ASPSCR1: variants seen among roughly 807,000 people sequenced by gnomAD.
The protein encoded by ASPSCR1 is ASPSCR1 tether for SLC2A4, UBX domain containing.
ASPSCR1 carries 55 observed loss-of-function variants against 68.9 expected under a neutral mutation model. The ratio of observed to expected loss-of-function variants is 0.80; its 90% CI spans 0.64 to 1.00. The LOEUF (loss-of-function observed/expected upper bound fraction) is 1.00. Ranked by LOEUF, ASPSCR1 falls within the 50% of genes least tolerant of loss-of-function variation. ASPSCR1 has a pLI of 0.00. For synonymous variants in ASPSCR1, 352 were observed against 332.6 expected (o/e 1.06, Z -0.63); for missense variants, 765 against 762.2 (o/e 1.00, Z -0.04).
rs746317148 is a variant in ASPSCR1 at position 81,999,280 on chromosome 17, G to A, written c.933+2434G>A. ...CAGAGCTTCTTGAGCTCCTGCTGAC[G>A]TAGTGGGCCTGGAAGGCCCCCATGC... On this transcript the variant is annotated intron_variant, in intron 7 of 15. Coordinates refer to ENST00000306739, the MANE Select transcript of ASPSCR1 (RefSeq NM_024083.4). The surrounding 1 kb of genome is among the most constrained non-coding windows in gnomAD (Gnocchi z 4.4). Among the ~76,000 whole-genome samples the A allele has an allele frequency of 1.4e-4, 21 of 152,196 alleles. No homozygotes were observed. Among genetic ancestry groups the A allele is most frequent in the African/African-American group, 3.9e-4 (16 of 41,440 alleles).
In ASPSCR1 at chr17:81,986,927, G is replaced by A. The variant is rs1466100923; in HGVS notation, c.374+1320G>A. 6.6e-6 allele frequency among the ~76,000 whole-genome samples: 1 copy of A among 152,234 alleles called. No homozygotes were observed. The highest frequency in any genetic ancestry group is 2.4e-5 in the African/African-American group (1 of 41,462). On this transcript the variant is annotated intron_variant, in intron 4 of 15. Coordinates refer to ENST00000306739, the MANE Select transcript of ASPSCR1 (RefSeq NM_024083.4). The surrounding 1 kb of genome is among the most constrained non-coding windows in gnomAD (Gnocchi z 5.2). ...TGGAAGCCACCCCAGTGGCTGTCGG[G>A]GTGAATGGAGGCCCCTGGAGATGGC... is the stretch of plus-strand genomic sequence containing the variant.
Position 81,983,488 on chromosome 17 carries a change from G to A in ASPSCR1, c.159-66G>A, listed in dbSNP as rs1019806090. ...GCGTGGATGGTGGGACGGGGATGGCGGGGCGTGGATGGCAGGGCGTGTCAG... is the reference window on the plus strand; with the variant it reads ...GCGTGGATGGTGGGACGGGGATGGCAGGGCGTGGATGGCAGGGCGTGTCAG... On this transcript the variant is annotated intron_variant, in intron 2 of 15. Coordinates refer to ENST00000306739, the MANE Select transcript of ASPSCR1 (RefSeq NM_024083.4). This position sits in a 1 kb window ranked among gnomAD's most constrained non-coding sequence, Gnocchi z 4.4. The A allele has an allele frequency of 2.3e-5, 31 of 1,322,636 alleles. No individual in the cohort carries two copies. Among genetic ancestry groups the A allele is most frequent in the East Asian group, 7.3e-5 (3 of 41,082 alleles). The allele number at this position is 1,322,636 out of a possible 1,614,324, so 81.9% of individuals were successfully genotyped here. A position where few individuals can be genotyped will look rare whatever the true frequency, so the allele number is the denominator to read the frequency against.
chr17:82,015,632 C>T, intron 12 of ASPSCR1: 1 of 520,878 alleles, frequency 1.9e-6, no homozygotes, highest in Non-Finnish European at 3.5e-6. Context: ...CCTGTGCCCA[C>T]AGCAGCCTCT....
chr17:81,978,918 G>T, intron 1 of ASPSCR1: 1 of 550,238 alleles, frequency 1.8e-6, no homozygotes, highest in Admixed American at 3.2e-5. Context: ...GAAGATGCCC[G>T]TGTTGCTGTA....
At chr17:82,015,044 G>C (rs1319650118) in intron 12 of ASPSCR1, 7 of 1,575,646 alleles carry the variant, frequency 4.4e-6, no homozygotes, top group Non-Finnish European at 6.0e-6. Flanking sequence ...CTCTGGCTGG[G>C]GGGACGGTGT....
At chr17:81,995,630 G>A (rs543034230) in intron 5 of ASPSCR1, 16 of 446,196 alleles carry the variant, frequency 3.6e-5, no homozygotes, top group Admixed American at 7.7e-5. Flanking sequence ...GGCCACCCCC[G>A]TGGGTGACAG....
intron 7 of ASPSCR1, among the ~76,000 whole-genome samples, chr17:81,997,983 C>A (rs1004437827): frequency 1.3e-5 from 2 of 151,828 alleles, no homozygotes; most frequent in South Asian, 2.1e-4. Context: ...TGTGCCACCA[C>A]GCCCAGCTAA....
At chr17:81,994,948 T>C (rs1447746859) in intron 5 of ASPSCR1, 70 bp downstream of exon 5, 3 of 1,487,548 alleles carry the variant, frequency 2.0e-6, no homozygotes, top group Non-Finnish European at 2.7e-6. Context: ...GAAAATCTGC[T>C]GTCCCGCAGC....
intron 12 of ASPSCR1, 170 bp from the exon 13 acceptor site, chr17:82,016,306 G>A (rs1157251624): frequency 1.6e-6 from 1 of 632,856 alleles, no homozygotes; most frequent in South Asian, 2.0e-5. Flanking sequence ...CTTGCTTACA[G>A]GGGTAGGGCT....
At chr17:81,994,627 G>A (rs558872121) in intron 4 of ASPSCR1, among the ~76,000 whole-genome samples, 194 bp from the exon 5 acceptor site, 1 of 152,228 alleles carries the variant, frequency 6.6e-6, no homozygotes, top group East Asian at 1.9e-4. Flanking sequence ...CGGCTGTCAG[G>A]TGCCTCCTTT....
rs960082379 is a variant in ASPSCR1 at position 81,983,747 on chromosome 17, G to A, written c.273+79G>A. 5 of 1,202,386 alleles carry A rather than the reference G, an allele frequency of 4.2e-6. No individual in the cohort carries two copies. The highest frequency in any genetic ancestry group is 2.5e-5 in the East Asian group (1 of 39,534). The allele number at this position is 1,202,386 out of a possible 1,614,324, so 74.5% of individuals were successfully genotyped here. On this transcript the variant is annotated intron_variant, in intron 3 of 15. Transcript: ENST00000306739. This position sits in a 1 kb window ranked among gnomAD's most constrained non-coding sequence, Gnocchi z 4.4. Reference sequence around the variant, plus strand: ...GGCCAGGGACGGGGGACGGGACAGTGGGGGGTGCTGGGGAAGGAGGGACAT... The same window carrying A: ...GGCCAGGGACGGGGGACGGGACAGTAGGGGGTGCTGGGGAAGGAGGGACAT...
chr17:82,009,396 A>G, intron 8 of ASPSCR1, 90 bp from the exon 9 acceptor site: 1 of 1,411,820 alleles, frequency 7.1e-7, no homozygotes, highest in South Asian at 1.4e-5. Context: ...GCCCACTCCC[A>G]CCCTGGAGGG....
chr17:81,992,860 G>A (rs368626744), intron 4 of ASPSCR1, among the ~76,000 whole-genome samples: 3 of 152,210 alleles, frequency 2.0e-5, no homozygotes, highest in South Asian at 2.1e-4. Flanking sequence ...GAGGACACCC[G>A]CCGTGTGTGT....
At chr17:81,992,631 C>T (rs1309912224) in intron 4 of ASPSCR1, among the ~76,000 whole-genome samples, 1 of 152,162 alleles carries the variant, frequency 6.6e-6, no homozygotes, top group African/African-American at 2.4e-5. Flanking sequence ...CCTCCCTGTC[C>T]CCCTTCCTGG....
rs549561838 is a variant in ASPSCR1, at chr17:81,991,930, G to A, written c.375-2891G>A. Among the ~76,000 whole-genome samples, 7 of 152,374 alleles carry A rather than the reference G, an allele frequency of 4.6e-5. 1 individual carries two copies. In the South Asian group the frequency reaches 1.0e-3, roughly 23 times the overall value. On this transcript the variant is annotated intron_variant, in intron 4 of 15. Transcript: ENST00000306739. ...GCACACAGCCGCGCCTTGCCGGAGC[G>A]GGGCCCCAGCGGGGCGGGGTTTGTG...
At chr17:81,996,393 C>A in intron 6 of ASPSCR1, 27 bp from the exon 7 acceptor site, 1 of 1,553,494 alleles carries the variant, frequency 6.4e-7, no homozygotes, top group Non-Finnish European at 8.7e-7. Context: ...CCACAAGGTG[C>A]TTCCCTTGTC....
chr17:82,010,515 T>C (rs58866411), intron 9 of ASPSCR1, among the ~76,000 whole-genome samples: 84,090 of 139,448 alleles, frequency 0.6, 25,443 homozygotes, highest in African/African-American at 0.72. Context: ...GGCGACAGAG[T>C]GAGACTCCAT....
chr17:81,979,075 C>A, intron 1 of ASPSCR1, 109 bp from the exon 2 acceptor site: 1 of 1,208,932 alleles, frequency 8.3e-7, no homozygotes, highest in Non-Finnish European at 1.2e-6. Context: ...TTTGCCTGGG[C>A]AGAGCCACCT....
chr17:82,014,378 G>A (rs1047345521), intron 12 of ASPSCR1: 1 of 152,982 alleles, frequency 6.5e-6, no homozygotes. Flanking sequence ...CAGAAGGCAG[G>A]ATGGCTCCTG....
Sources: allele counts gnomAD v4.1 joint callset (sites outside exome capture counted in the v4.1 genomes callset), GRCh38; gene constraint gnomAD v4.1.1; non-coding constraint Gnocchi (gnomAD v3.1); transcripts MANE v1.5; gene names NCBI Gene and HGNC (gene_info 2026-07-23, HGNC 2026-07-21).